AQP1: variants seen among roughly 807,000 people sequenced by gnomAD.
AQP1 encodes aquaporin-1.
In AQP1, 11 loss-of-function variants were observed where a neutral mutation model predicts 19.7. The ratio of observed to expected loss-of-function variants is 0.56; its 90% CI spans 0.35 to 0.92. AQP1 has a LOEUF of 0.92. Among genes scored for constraint, AQP1 ranks in the 40% least tolerant of loss-of-function variants. The pLI, the probability that AQP1 is intolerant of heterozygous loss-of-function variation, is 0.01. For missense variants in AQP1, 320 were observed against 369.7 expected (o/e 0.87, Z 1.10); for synonymous variants, 159 against 166.7 (o/e 0.95, Z 0.36).
intron 3 of AQP1, 38 bp downstream of exon 3, chr7:30,922,682 T>C (rs374005815): frequency 2.5e-6 from 4 of 1,575,916 alleles, no homozygotes; most frequent in Non-Finnish European, 3.5e-6. Context: ...GAAGCTTTGG[T>C]GTCCCATGGT....
At chr7:30,921,439 A>G in intron 1 of AQP1, 1 of 1,445,074 alleles carries the variant, frequency 6.9e-7, no homozygotes, top group Non-Finnish European at 9.1e-7. Flanking sequence ...GCCAGAAGCA[A>G]TGGGAGACAG....
In AQP1 at chr7:30,923,637, C is replaced by G; in HGVS notation, c.*8C>G. 7.0e-7 allele frequency: 1 copy of G among 1,438,434 alleles called. No homozygotes were observed. The highest frequency in any genetic ancestry group is 9.3e-7 in the Non-Finnish European group (1 of 1,070,182). 89.1% of individuals were successfully genotyped at this position (1,438,434 alleles called of 1,614,324 possible). A position where few individuals can be genotyped will look rare whatever the true frequency, so the allele number is the denominator to read the frequency against. On this transcript the variant is annotated 3_prime_UTR_variant, in exon 4 of 4. Transcript: ENST00000311813. The surrounding 1 kb of genome is among the most constrained non-coding windows in gnomAD (Gnocchi z 4.8). ...GAGATGAAGCCCAAATAGAAGGGGTCTGGCCCGGGCATCCACGTAGGGGGC... is the reference window on the plus strand; with the variant it reads ...GAGATGAAGCCCAAATAGAAGGGGTGTGGCCCGGGCATCCACGTAGGGGGC...
rs548195165 is a variant in AQP1 at position 30,923,914 on chromosome 7, C to T, written c.*285C>T. The T allele has an allele frequency of 6.9e-7, 1 of 1,454,810 alleles. No individual in the cohort carries two copies. The highest frequency in any genetic ancestry group is 3.2e-5 in the East Asian group (1 of 31,584). 90.1% of individuals were successfully genotyped at this position (1,454,810 alleles called of 1,614,324 possible). On this transcript the variant is annotated 3_prime_UTR_variant, in exon 4 of 4. Coordinates refer to ENST00000311813, the MANE Select transcript of AQP1 (RefSeq NM_198098.4). The surrounding 1 kb of genome is among the most constrained non-coding windows in gnomAD (Gnocchi z 4.8). ...AGAAAGGGACCCACCTGCTAGTCGC[C>T]CCTCAGAGCATGATGGGAGGTGTGC... is the stretch of plus-strand genomic sequence containing the variant.
At chr7:30,922,267 G>T (rs1347037957) in intron 2 of AQP1, 37 bp downstream of exon 2, 1 of 1,544,924 alleles carries the variant, frequency 6.5e-7, no homozygotes, top group Non-Finnish European at 8.7e-7. Context: ...GGTGGGGGAA[G>T]GGAGGGCGGG....
intron 1 of AQP1, chr7:30,921,595 G>A: frequency 6.5e-7 from 1 of 1,549,970 alleles, no homozygotes; most frequent in Non-Finnish European, 8.7e-7. Flanking sequence ...GATGCAGTCG[G>A]GCATGGGGTG....
At chr7:30,921,139 C>A (rs1185265875) in intron 1 of AQP1, among the ~76,000 whole-genome samples, 2 of 152,204 alleles carry the variant, frequency 1.3e-5, no homozygotes, top group Non-Finnish European at 2.9e-5. Flanking sequence ...TGTGGTCCAT[C>A]TCCCCTGTGT....
rs778827593 is a variant in AQP1 at position 30,912,237 on chromosome 7, G to A, written c.328G>A (p.Ala110Thr). 2.4e-5 allele frequency: 38 copies of A among 1,608,284 alleles called. 1 individual carries two copies. The highest frequency in any genetic ancestry group is 2.3e-4 in the South Asian group (21 of 91,082). The stretch of plus-strand genomic sequence containing the variant: ...GTGCGTGGGGGCCATCGTCGCCACC[G>A]CCATCCTCTCAGGCATCACCTCCTC... The part of the protein sequence containing the change: ...AQCVGAIVAT[A>T]ILSGITSSLT... The change falls in exon 1 of 4, where the codon GCC becomes ACC. Residue 110 changes from alanine (A) to threonine (T), a missense_variant. Physicochemically the swap from Ala to Thr is moderately conservative, Grantham distance 58. Coordinates refer to ENST00000311813, the MANE Select transcript of AQP1 (RefSeq NM_198098.4). The surrounding 1 kb of genome is among the most constrained non-coding windows in gnomAD (Gnocchi z 4.3).
Position 30,920,124 on chromosome 7 carries a change from C to G in AQP1, c.385-1942C>G, listed in dbSNP as rs1465618351. Among the ~76,000 whole-genome samples, 4 of 152,124 alleles carry G rather than the reference C, an allele frequency of 2.6e-5. No homozygotes were observed. In the East Asian group the frequency reaches 7.7e-4, roughly 29 times the overall value. Reference sequence around the variant, plus strand: ...CTGGTTAAGAACCAGAGGAGATGAGCTCTTTCTGGTCACATCTGTGAGGGA... The same window carrying G: ...CTGGTTAAGAACCAGAGGAGATGAGGTCTTTCTGGTCACATCTGTGAGGGA... On this transcript the variant is annotated intron_variant, in intron 1 of 3. Transcript: ENST00000311813.
At chr7:30,922,446 G>A in intron 2 of AQP1, 118 bp from the exon 3 acceptor site, 5 of 1,301,040 alleles carry the variant, frequency 3.8e-6, no homozygotes, top group Non-Finnish European at 3.3e-6. Flanking sequence ...CTTTCCCTGG[G>A]TCTCATTGTC....
chr7:30,911,925 A>G lies in AQP1; in HGVS notation c.16A>G (p.Lys6Glu). The G allele has an allele frequency of 6.2e-7, 1 of 1,613,190 alleles. No individual in the cohort carries two copies. The highest frequency in any genetic ancestry group is 8.5e-7 in the Non-Finnish European group (1 of 1,179,926). Residue 6 changes from lysine to glutamate, a missense_variant, in exon 1 of 4, where the codon AAG (lysine) becomes GAG (glutamate). Transcript: ENST00000311813. MASEFKKKLFWRAVVA... is the reference protein window; with the variant it reads MASEFEKKLFWRAVVA... ...CCCTGCCAGCATGGCCAGCGAGTTC[A>G]AGAAGAAGCTCTTCTGGAGGGCAGT...
chr7:30,923,543 G>T lies in AQP1; in HGVS notation c.724G>T (p.Val242Leu), dbSNP rs771575765. The change falls in exon 4 of 4, where the codon GTG becomes TTG. Residue 242 changes from valine (V) to leucine (L), a missense_variant. Val to Leu is a conservative substitution (Grantham distance 32, BLOSUM62 1). Coordinates refer to ENST00000311813, the MANE Select transcript of AQP1 (RefSeq NM_198098.4). This position sits in a 1 kb window ranked among gnomAD's most constrained non-coding sequence, Gnocchi z 4.8. ...ACGCAGCAGTGACCTCACAGACCGC[G>T]TGAAGGTGTGGACCAGCGGCCAGGT... ...APRSSDLTDRVKVWTSGQVEE... is the reference protein window; with the variant it reads ...APRSSDLTDRLKVWTSGQVEE... 1.2e-6 allele frequency: 2 copies of T among 1,614,206 alleles called. No individual in the cohort carries two copies. Among genetic ancestry groups the T allele is most frequent in the East Asian group, 2.2e-5 (1 of 44,882 alleles).
In AQP1 at chr7:30,921,441, G is replaced by A. The variant is rs1031109348; in HGVS notation, c.385-625G>A. 18 of 1,446,100 alleles carry A rather than the reference G, an allele frequency of 1.2e-5. No homozygotes were observed. In the African/African-American group the frequency reaches 2.2e-4, roughly 17 times the overall value. 89.6% of individuals were successfully genotyped at this position (1,446,100 alleles called of 1,614,324 possible). ...CAGGGAGGGCAGGGCCAGAAGCAATGGGAGACAGGCCTTGGACCAAGGAAA... is the reference window on the plus strand; with the variant it reads ...CAGGGAGGGCAGGGCCAGAAGCAATAGGAGACAGGCCTTGGACCAAGGAAA... On this transcript the variant is annotated intron_variant, in intron 1 of 3. Transcript: ENST00000311813.
chr7:30,917,679 C>T (rs375310367), intron 1 of AQP1, among the ~76,000 whole-genome samples: 1 of 152,138 alleles, frequency 6.6e-6, no homozygotes, highest in Non-Finnish European at 1.5e-5. Context: ...CCCAGGGAGG[C>T]CGAGGCACTT....
chr7:30,912,252 A>G lies in AQP1; in HGVS notation c.343A>G (p.Ile115Val), dbSNP rs143467679. The G allele has an allele frequency of 9.3e-5, 149 of 1,606,774 alleles. No individual in the cohort carries two copies. Among genetic ancestry groups the G allele is most frequent in the Non-Finnish European group, 1.2e-4 (141 of 1,179,874 alleles). ...CGTCGCCACCGCCATCCTCTCAGGCATCACCTCCTCCCTGACTGGGAACTC... is the reference window on the plus strand; with the variant it reads ...CGTCGCCACCGCCATCCTCTCAGGCGTCACCTCCTCCCTGACTGGGAACTC... The part of the protein sequence containing the change: ...AIVATAILSG[I>V]TSSLTGNSLG... Residue 115 changes from isoleucine to valine, a missense_variant, in exon 1 of 4, where the codon ATC becomes GTC. Coordinates refer to ENST00000311813, the MANE Select transcript of AQP1 (RefSeq NM_198098.4). The surrounding 1 kb of genome is among the most constrained non-coding windows in gnomAD (Gnocchi z 4.3).
At chr7:30,922,760 G>A (rs1347981640) in intron 3 of AQP1, 116 bp downstream of exon 3, 1 of 1,094,450 alleles carries the variant, frequency 9.1e-7, no homozygotes, top group East Asian at 2.4e-5. Context: ...CAGAGGACAG[G>A]AAATCAGGAA....
At chr7:30,915,917 C>G (rs2128589027) in intron 1 of AQP1, among the ~76,000 whole-genome samples, 2 of 152,190 alleles carry the variant, frequency 1.3e-5, no homozygotes, top group Middle Eastern at 3.4e-3. Flanking sequence ...ATGTCCCTGC[C>G]CAGCCCGTCC....
rs1791199456 is a variant in AQP1 at position 30,912,736 on chromosome 7, A to C, written c.384+443A>C. Among the ~76,000 whole-genome samples, 1 of 152,186 alleles carries C rather than the reference A, an allele frequency of 6.6e-6. No homozygotes were observed. Among genetic ancestry groups the C allele is most frequent in the Non-Finnish European group, 1.5e-5 (1 of 68,036 alleles). The stretch of plus-strand genomic sequence containing the variant: ...CCAGCCTGTCTGCAGCTGGCTCTGC[A>C]AGTGTGTGAGCAGGACTCCCTCAGG... On this transcript the variant is annotated intron_variant, in intron 1 of 3. Transcript: ENST00000311813. This position sits in a 1 kb window ranked among gnomAD's most constrained non-coding sequence, Gnocchi z 4.3.
chr7:30,916,883 CT>C (rs1375696276), intron 1 of AQP1, among the ~76,000 whole-genome samples: 3 of 151,834 alleles, frequency 2.0e-5, no homozygotes, highest in African/African-American at 7.3e-5. Context: ...GAGGAGGCTG[CT>C]TTGGGGGTGC....
intron 1 of AQP1, among the ~76,000 whole-genome samples, chr7:30,920,506 G>C (rs1330164335): frequency 6.6e-6 from 1 of 152,202 alleles, no homozygotes; most frequent in African/African-American, 2.4e-5. Context: ...CAAAACAAGA[G>C]TCACTACCAC....
Sources: gnomAD v4.1 joint callset for allele counts (sites outside exome capture counted in the v4.1 genomes callset) on GRCh38, gnomAD v4.1.1 for gene constraint, Gnocchi (gnomAD v3.1) non-coding constraint, MANE v1.5 for transcripts, NCBI Gene and HGNC (gene_info 2026-07-23, HGNC 2026-07-21) for gene names.